ANO10: variants seen among roughly 807,000 people sequenced by gnomAD.
ANO10 encodes anoctamin 10.
A neutral mutation model predicts 74.7 loss-of-function variants in ANO10; 77 were observed. The observed-to-expected ratio is 1.03, with a 90% CI of 0.86 to 1.25. The LOEUF is 1.25. ANO10 is among the 50% of genes most tolerant of loss of function. The pLI, the probability that ANO10 is intolerant of heterozygous loss-of-function variation, is 0.00. For synonymous variants in ANO10, 279 were observed against 284.9 expected (o/e 0.98, Z 0.21); for missense variants, 721 against 778.1 (o/e 0.93, Z 0.87).
chr3:43,651,594 T>C (rs2083788261), intron 1 of ANO10, among the ~76,000 whole-genome samples: 2 of 152,206 alleles, frequency 1.3e-5, no homozygotes, highest in South Asian at 4.1e-4. Context: ...GAAAAGATGA[T>C]GAATTCCTTA....
chr3:43,494,943 G>A (rs969502646), intron 11 of ANO10, among the ~76,000 whole-genome samples: 1 of 151,890 alleles, frequency 6.6e-6, no homozygotes, highest in Non-Finnish European at 1.5e-5. Flanking sequence ...AAAAATAAAA[G>A]AATTATCAAC....
rs544835557 is a variant in ANO10, at chr3:43,656,234, C to T, written c.-12+35283G>A. On this transcript the variant is annotated intron_variant, in intron 1 of 3. Transcript: ENST00000413397. The stretch of plus-strand genomic sequence containing the variant: ...GCATTCACAAACCCTGAGCTAGACA[C>T]AGGGTGCTGATTGGTGTGTTTACAA... Among the ~76,000 whole-genome samples, 150 of 152,086 alleles carry T rather than the reference C, an allele frequency of 9.9e-4. 1 individual carries two copies. The highest frequency in any genetic ancestry group is 3.4e-3 in the African/African-American group (141 of 41,482).
chr3:43,691,171 C>G (rs1463951731), intron 1 of ANO10: 10 of 914,204 alleles, frequency 1.1e-5, no homozygotes, highest in Non-Finnish European at 1.5e-5. Flanking sequence ...CTCGACCCTC[C>G]CCGGCATGAG....
chr3:43,479,730 AC>A (rs1189954438), intron 11 of ANO10, among the ~76,000 whole-genome samples: 1 of 152,186 alleles, frequency 6.6e-6, no homozygotes, highest in Non-Finnish European at 1.5e-5. Flanking sequence ...CTTCTGAATC[AC>A]CATAAAATGA....
intron 12 of ANO10, among the ~76,000 whole-genome samples, chr3:43,406,572 A>G (rs1240344251): frequency 1.3e-5 from 2 of 151,988 alleles, no homozygotes; most frequent in East Asian, 1.9e-4. Flanking sequence ...CAGAAACACC[A>G]GTTATGAATG....
chr3:43,563,327 A>G (rs752057791), intron 8 of ANO10, among the ~76,000 whole-genome samples: 1 of 152,120 alleles, frequency 6.6e-6, no homozygotes, highest in Non-Finnish European at 1.5e-5. Flanking sequence ...CCAGATGCTG[A>G]CAAGAACGTG....
At chr3:43,514,023 C>CAT (rs1259237863) in intron 11 of ANO10, among the ~76,000 whole-genome samples, 1 of 148,804 alleles carries the variant, frequency 6.7e-6, no homozygotes, top group African/African-American at 2.5e-5. Context: ...TTAGAAATAG[C>CAT]ATATTATAAT....
intron 4 of ANO10, among the ~76,000 whole-genome samples, chr3:43,594,728 C>T (rs1211865453): frequency 1.3e-5 from 2 of 152,080 alleles, no homozygotes; most frequent in Non-Finnish European, 2.9e-5. Context: ...CAAACACATG[C>T]AAAAGCTAGC....
At chr3:43,564,791 G>A (rs2080228290) in intron 8 of ANO10, among the ~76,000 whole-genome samples, 1 of 152,136 alleles carries the variant, frequency 6.6e-6, no homozygotes, top group Admixed American at 6.6e-5. Context: ...ACTTTTCTCA[G>A]ATAGATATGA....
At chr3:43,571,790 C>T (rs2080737462) in intron 7 of ANO10, among the ~76,000 whole-genome samples, 1 of 139,698 alleles carries the variant, frequency 7.2e-6, no homozygotes, top group South Asian at 2.2e-4. Context: ...ACATATGTAA[C>T]TAACCTGCAC....
intron 12 of ANO10, among the ~76,000 whole-genome samples, chr3:43,432,117 CTT>C (rs796692983): frequency 1.6e-4 from 22 of 133,890 alleles, no homozygotes; most frequent in Admixed American, 3.8e-4. Context: ...TCCAGCATGG[CTT>C]TTTTTTTTTT....
intron 1 of ANO10, among the ~76,000 whole-genome samples, chr3:43,659,792 C>T (rs1223917519): frequency 6.6e-6 from 1 of 152,196 alleles, no homozygotes; most frequent in African/African-American, 2.4e-5. Flanking sequence ...GTCCCTGACC[C>T]CCATGTAGCC....
At chr3:43,567,751 G>A (rs1452106758) in intron 7 of ANO10, among the ~76,000 whole-genome samples, 51 of 150,904 alleles carry the variant, frequency 3.4e-4, no homozygotes, top group East Asian at 9.7e-4. Context: ...AAAGACCATC[G>A]AGACTAGGAA....
rs893586520 is a variant in ANO10, at chr3:43,557,734, C to CAA, written c.1477-2267_1477-2266dup. Among the ~76,000 whole-genome samples, 140 of 42,454 alleles carry CAA rather than the reference C, an allele frequency of 3.3e-3. 2 individuals carry two copies. Among genetic ancestry groups the CAA allele is most frequent in the South Asian group, 8.8e-3 (11 of 1,252 alleles). The allele number at this position is 42,454 out of a possible 152,430, so 27.9% of individuals were successfully genotyped here. ...TGGGCAACAGAGCGAGACTCTGTCT[C>CAA]AAAAAAAAAAAAAAAAAAAAAAGAC... On this transcript the variant is annotated intron_variant, in intron 9 of 12. Coordinates refer to ENST00000292246, the MANE Select transcript of ANO10 (RefSeq NM_018075.5).
intron 12 of ANO10, among the ~76,000 whole-genome samples, chr3:43,432,172 G>T (rs965847118): frequency 3.4e-5 from 5 of 148,826 alleles, no homozygotes; most frequent in African/African-American, 1.2e-4. Flanking sequence ...CTGAGGCACA[G>T]TTTCTCCTTT....
chr3:43,452,030 C>T (rs962690541), intron 11 of ANO10, among the ~76,000 whole-genome samples: 2 of 152,062 alleles, frequency 1.3e-5, no homozygotes, highest in Non-Finnish European at 2.9e-5. Flanking sequence ...CCCTCAAAGG[C>T]TAAAGATTAG....
At chr3:43,656,755 T>G (rs961648775) in intron 1 of ANO10, among the ~76,000 whole-genome samples, 11 of 152,210 alleles carry the variant, frequency 7.2e-5, no homozygotes, top group Non-Finnish European at 1.5e-4. Context: ...CACCTGGAAC[T>G]CCAGCTGGCC....
At chr3:43,450,237 C>T (rs754463852) in intron 11 of ANO10, among the ~76,000 whole-genome samples, 12 of 152,078 alleles carry the variant, frequency 7.9e-5, no homozygotes, top group South Asian at 2.1e-4. Flanking sequence ...TGAGCCCTGA[C>T]GGCTGTGAAA....
chr3:43,558,476 A>T (rs1397683298), intron 9 of ANO10, among the ~76,000 whole-genome samples: 1 of 152,172 alleles, frequency 6.6e-6, no homozygotes, highest in Non-Finnish European at 1.5e-5. Flanking sequence ...GACCCAGGGG[A>T]TTACCATGGG....
Sources: gnomAD v4.1 joint callset for allele counts (sites outside exome capture counted in the v4.1 genomes callset) on GRCh38, gnomAD v4.1.1 for gene constraint, MANE v1.5 for transcripts, NCBI Gene and HGNC (gene_info 2026-07-23, HGNC 2026-07-21) for gene names.